The following UGT1A8 variants were observed in gnomAD, a reference collection of about 807,000 sequenced individuals.
UGT1A8 encodes UDP-glucuronosyltransferase 1A8.
UGT1A8 carries 39 observed loss-of-function variants against 45.3 expected under a neutral mutation model. The ratio of observed to expected loss-of-function variants is 0.86; its 90% CI spans 0.67 to 1.12. The LOEUF (loss-of-function observed/expected upper bound fraction) is 1.12. Among genes scored for constraint, UGT1A8 ranks in the 50% most tolerant of loss-of-function variants. The probability of loss-of-function intolerance (pLI) is 0.00; values close to 1 mark genes in which losing one functional copy is unlikely to be tolerated. For missense variants in UGT1A8, 719 were observed against 664.9 expected, an observed-to-expected ratio of 1.08 and a Z score of -0.90; for synonymous variants, 275 against 249.2, an observed-to-expected ratio of 1.10 and a Z score of -0.97.
At chr2:233,765,432 A>G (rs926269161) in intron 1 of UGT1A8, among the ~76,000 whole-genome samples, 3 of 152,240 alleles carry the variant, frequency 2.0e-5, no homozygotes, top group Non-Finnish European at 2.9e-5. Flanking sequence ...AGCCATAACA[A>G]GGAATGAGAT....
chr2:233,736,731 G>A (rs2078799563), intron 1 of UGT1A8, among the ~76,000 whole-genome samples: 1 of 151,600 alleles, frequency 6.6e-6, no homozygotes, highest in Non-Finnish European at 1.5e-5. Context: ...TGATGTTTAT[G>A]CTGTTCCTTT....
At chr2:233,709,792 A>G (rs1262509274) in intron 1 of UGT1A8, among the ~76,000 whole-genome samples, 14 of 152,212 alleles carry the variant, frequency 9.2e-5, no homozygotes, top group Admixed American at 3.9e-4. Flanking sequence ...CACCGTTTTA[A>G]TGATACATTT....
At chr2:233,647,316 G>A (rs145829220) in intron 1 of UGT1A8, among the ~76,000 whole-genome samples, 9 of 152,232 alleles carry the variant, frequency 5.9e-5, no homozygotes, top group Non-Finnish European at 1.3e-4. Context: ...TTACATTTTC[G>A]TATCTAAGGT....
intron 1 of UGT1A8, chr2:233,755,285 A>T (rs1468695441): frequency 1.5e-6 from 1 of 681,694 alleles, no homozygotes; most frequent in African/African-American, 1.9e-5. Flanking sequence ...ACTGCCAAAG[A>T]GCCTGCGGGG....
chr2:233,719,033 A>G, intron 1 of UGT1A8: 2 of 1,614,270 alleles, frequency 1.2e-6, no homozygotes, highest in Admixed American at 1.7e-5. Context: ...ACATCAAAGA[A>G]GAGAAATTTT....
rs759091845 is a variant in UGT1A8, at chr2:233,672,764, G to GCC, written c.855+54203_855+54204dup. ...ATGATCTTCATTGGTGGTATCAACTGCCATCAGGGAAAGCCGTTGCCTATG... is the reference window on the plus strand; with the variant it reads ...ATGATCTTCATTGGTGGTATCAACTGCCCCATCAGGGAAAGCCGTTGCCTATG... On this transcript the variant is annotated intron_variant, in intron 1 of 4. Transcript: ENST00000373450. 5 of 1,613,770 alleles carry GCC rather than the reference G, an allele frequency of 3.1e-6. No homozygotes were observed. In the South Asian group the frequency reaches 5.5e-5, roughly 18 times the overall value.
intron 1 of UGT1A8, among the ~76,000 whole-genome samples, chr2:233,709,536 G>C (rs1018378617): frequency 1.3e-5 from 2 of 152,044 alleles, no homozygotes; most frequent in Admixed American, 1.3e-4. Flanking sequence ...TTCCTACTGT[G>C]ATATATGTAA....
At chr2:233,724,372 TGCCGGGC>T (rs1434550848) in intron 1 of UGT1A8, among the ~76,000 whole-genome samples, 1 of 143,294 alleles carries the variant, frequency 7.0e-6, no homozygotes, top group Non-Finnish European at 1.5e-5. Context: ...ACGGGGTGGC[TGCCGGGC>T]GGAGACGCTC....
At chr2:233,728,549 A>T (rs966013125) in intron 1 of UGT1A8, among the ~76,000 whole-genome samples, 3 of 152,184 alleles carry the variant, frequency 2.0e-5, no homozygotes, top group Non-Finnish European at 4.4e-5. Context: ...GTCCTCTCTG[A>T]TCCTTACAAG....
intron 1 of UGT1A8, among the ~76,000 whole-genome samples, chr2:233,627,938 T>C (rs1559314160): frequency 1.3e-5 from 2 of 152,052 alleles, no homozygotes; most frequent in Non-Finnish European, 1.5e-5. Flanking sequence ...GATCACTTTT[T>C]ACTCTGACAT....
chr2:233,697,502 CTT>C (rs1212901051), intron 1 of UGT1A8, among the ~76,000 whole-genome samples: 2 of 142,302 alleles, frequency 1.4e-5, no homozygotes, highest in Non-Finnish European at 3.1e-5. Flanking sequence ...TTTTGTTTAT[CTT>C]TTTTTTTTTT....
At chr2:233,637,302 C>G (rs377393900) in intron 1 of UGT1A8, 1 of 1,613,960 alleles carries the variant, frequency 6.2e-7, no homozygotes, top group Non-Finnish European at 8.5e-7. Flanking sequence ...TTGTTTTGGA[C>G]TATCCCAAAC....
rs571818278 is a variant in UGT1A8, at chr2:233,740,159, T to C, written c.856-26875T>C. Among the ~76,000 whole-genome samples, 52 of 151,986 alleles carry C rather than the reference T, an allele frequency of 3.4e-4. 1 individual carries two copies. Among genetic ancestry groups the C allele is most frequent in the African/African-American group, 1.2e-3 (48 of 41,236 alleles). On this transcript the variant is annotated intron_variant, in intron 1 of 4. Coordinates refer to ENST00000373450, the MANE Select transcript of UGT1A8 (RefSeq NM_019076.5). ...TGTAAGTTTCCTGAGGCCTCCCCAG[T>C]CATGTGGAACTGTGAGTCAATTAAA...
At chr2:233,636,465 G>C in intron 1 of UGT1A8, 1 of 1,556,516 alleles carries the variant, frequency 6.4e-7, no homozygotes, top group Non-Finnish European at 8.7e-7. Flanking sequence ...TACTTCTTCC[G>C]CCTACTGTAT....
At chr2:233,641,733 C>G (rs1196485928) in intron 1 of UGT1A8, among the ~76,000 whole-genome samples, 2 of 152,086 alleles carry the variant, frequency 1.3e-5, no homozygotes, top group Non-Finnish European at 2.9e-5. Flanking sequence ...CTTGGAAAGT[C>G]TTTATTTCTC....
chr2:233,696,516 CT>C (rs1314589445), intron 1 of UGT1A8, among the ~76,000 whole-genome samples: 2 of 152,156 alleles, frequency 1.3e-5, no homozygotes, highest in African/African-American at 4.8e-5. Flanking sequence ...GTTCTAACAG[CT>C]TTTGGGTGGA....
rs533644543 is a variant in UGT1A8 at position 233,772,493 on chromosome 2, T to C, written c.1527T>C (p.Tyr509=). 6.2e-7 allele frequency: 1 copy of C among 1,614,152 alleles called. No individual in the cohort carries two copies. The highest frequency in any genetic ancestry group is 2.2e-5 in the East Asian group (1 of 44,874). The change falls in exon 5 of 5, where the codon TAT becomes TAC. Residue 509 remains tyrosine (Y), a synonymous_variant. Transcript: ENST00000373450. Reference sequence around the variant, plus strand: ...TCATCACCTTTAAATGTTGTGCTTATGGCTACCGGAAATGCTTGGGGAAAA... The same window carrying C: ...TCATCACCTTTAAATGTTGTGCTTACGGCTACCGGAAATGCTTGGGGAAAA... The part of the protein sequence containing the change: ...VAFITFKCCA[Y]GYRKCLGKKG...
chr2:233,682,287 T>G (rs2074570002), intron 1 of UGT1A8: 21 of 1,614,096 alleles, frequency 1.3e-5, no homozygotes, highest in Non-Finnish European at 1.7e-5. Context: ...AATGGTATTT[T>G]TGACTTATTT....
intron 1 of UGT1A8, among the ~76,000 whole-genome samples, chr2:233,660,904 C>G (rs1247069910): frequency 6.6e-6 from 1 of 152,062 alleles, no homozygotes; most frequent in Non-Finnish European, 1.5e-5. Flanking sequence ...AAAGTCAAAC[C>G]TCTTTCTAAA....
Sources: gnomAD v4.1 joint callset for allele counts (sites outside exome capture counted in the v4.1 genomes callset) on GRCh38, gnomAD v4.1.1 for gene constraint, MANE v1.5 for transcripts, NCBI Gene and HGNC (gene_info 2026-07-23, HGNC 2026-07-21) for gene names.